Variants in ARFIP1 observed in about 807,000 individuals in gnomAD.
The protein encoded by ARFIP1 is arfaptin-1.
Under a neutral mutation model 42.5 loss-of-function variants are expected in ARFIP1, and 24 were observed. That is an observed-to-expected ratio of 0.57 (90% CI 0.41 to 0.80). ARFIP1 has a LOEUF of 0.80. ARFIP1 is among the 30% of genes least tolerant of loss of function. The pLI, the probability that ARFIP1 is intolerant of heterozygous loss-of-function variation, is 0.00. For missense variants in ARFIP1, 354 were observed against 434.0 expected (o/e 0.82, Z 1.64); for synonymous variants, 141 against 153.7 (o/e 0.92, Z 0.61).
intron 1 of ARFIP1, among the ~76,000 whole-genome samples, chr4:152,812,226 G>A (rs1729526816): frequency 6.6e-6 from 1 of 152,172 alleles, no homozygotes. Flanking sequence ...ATGAGTTCTT[G>A]CTGCGTCAGC....
intron 3 of ARFIP1, among the ~76,000 whole-genome samples, chr4:152,868,772 C>T (rs1203053517): frequency 6.6e-6 from 1 of 152,104 alleles, no homozygotes; most frequent in East Asian, 1.9e-4. Flanking sequence ...GGTAGAGATA[C>T]AGTCTTTGTT....
At chr4:152,809,488 GA>G (rs1263578764) in intron 1 of ARFIP1, among the ~76,000 whole-genome samples, 4 of 152,204 alleles carry the variant, frequency 2.6e-5, no homozygotes, top group Admixed American at 2.6e-4. Context: ...TCTCCGTGGA[GA>G]GGCAGAAAGC....
At chr4:152,830,154 G>T (rs1199147582) in intron 2 of ARFIP1, among the ~76,000 whole-genome samples, 2 of 152,124 alleles carry the variant, frequency 1.3e-5, no homozygotes, top group Non-Finnish European at 2.9e-5. Context: ...AGTGGAAAAT[G>T]ATACTCGGGG....
intron 8 of ARFIP1, among the ~76,000 whole-genome samples, chr4:152,907,424 C>G (rs1300599826): frequency 6.6e-6 from 1 of 152,126 alleles, no homozygotes; most frequent in African/African-American, 2.4e-5. Context: ...CAGCCATGTT[C>G]CCACCACCCA....
chr4:152,863,935 T>C (rs542267313), intron 3 of ARFIP1, among the ~76,000 whole-genome samples: 2 of 152,366 alleles, frequency 1.3e-5, no homozygotes, highest in African/African-American at 4.8e-5. Context: ...CTGGTTATTA[T>C]TTAAGAATAG....
intron 1 of ARFIP1, among the ~76,000 whole-genome samples, chr4:152,795,300 A>G (rs1271295041): frequency 6.6e-6 from 1 of 152,006 alleles, no homozygotes; most frequent in Admixed American, 6.6e-5. Context: ...TGCTTTTTTC[A>G]GTTAACACTG....
intron 1 of ARFIP1, among the ~76,000 whole-genome samples, chr4:152,819,892 T>A (rs1707899466): frequency 6.6e-6 from 1 of 152,152 alleles, no homozygotes; most frequent in African/African-American, 2.4e-5. Context: ...CGGGTGCCTC[T>A]TTAGACAGCA....
intron 1 of ARFIP1, among the ~76,000 whole-genome samples, chr4:152,822,965 TG>T (rs1167434612): frequency 6.6e-6 from 1 of 152,010 alleles, no homozygotes; most frequent in African/African-American, 2.4e-5. Context: ...TATTATAAAT[TG>T]GCAACCTAAC....
At position 152,829,391 on chromosome 4, in the gene ARFIP1, T is replaced by C. The variant is rs933522579; in HGVS notation, c.-9-234T>C. ...ATTTAAGAGGCAAGGATAGTGCCTC[T>C]GGTACCTACAACAAATATGTAACTC... On this transcript the variant is annotated intron_variant, in intron 1 of 8. Transcript: ENST00000353617. Among the ~76,000 whole-genome samples the C allele has an allele frequency of 3.9e-5, 6 of 152,216 alleles. No individual in the cohort carries two copies. In the South Asian group the frequency reaches 1.0e-3, roughly 26 times the overall value.
chr4:152,868,350 A>G (rs1734583390), intron 3 of ARFIP1, among the ~76,000 whole-genome samples: 1 of 152,184 alleles, frequency 6.6e-6, no homozygotes, highest in Non-Finnish European at 1.5e-5. Flanking sequence ...GAGATGAAAT[A>G]GATTTAATTC....
At chr4:152,888,026 T>C in intron 7 of ARFIP1, 107 bp from the exon 8 acceptor site, 1 of 717,392 alleles carries the variant, frequency 1.4e-6, no homozygotes, top group Non-Finnish European at 2.1e-6. Flanking sequence ...GAGAATTTTA[T>C]ATATTTTATT....
chr4:152,865,423 C>T (rs990299306), intron 3 of ARFIP1, among the ~76,000 whole-genome samples: 1 of 152,192 alleles, frequency 6.6e-6, no homozygotes, highest in African/African-American at 2.4e-5. Flanking sequence ...AGGCATGAGC[C>T]ACTGTGCCTG....
At chr4:152,808,801 G>A (rs1729213880) in intron 1 of ARFIP1, among the ~76,000 whole-genome samples, 1 of 152,172 alleles carries the variant, frequency 6.6e-6, no homozygotes, top group South Asian at 2.1e-4. Flanking sequence ...GGGCGTGGTG[G>A]CTTTTGCCTG....
chr4:152,895,578 T>G lies in ARFIP1; in HGVS notation c.966+7271T>G, dbSNP rs74916400. On this transcript the variant is annotated intron_variant, in intron 8 of 8. Coordinates refer to ENST00000353617, the MANE Select transcript of ARFIP1 (RefSeq NM_001025595.3). ...TTTTTTTTTTTTTTTTTTTTTTTTT[T>G]GAGATAGGGTGTTGTTCTGTCATCC... Among the ~76,000 whole-genome samples the G allele has an allele frequency of 4.9e-3, 460 of 92,954 alleles. 3 individuals are homozygous for G. The highest frequency in any genetic ancestry group is 0.02 in the African/African-American group (431 of 21,212). The allele number at this position is 92,954 out of a possible 152,430, so 61.0% of individuals were successfully genotyped here.
intron 3 of ARFIP1, among the ~76,000 whole-genome samples, chr4:152,868,362 C>T (rs1258033595): frequency 6.6e-6 from 1 of 152,006 alleles, no homozygotes; most frequent in Non-Finnish European, 1.5e-5. Flanking sequence ...ATTTAATTCC[C>T]CAAATTTAGC....
At chr4:152,834,436 A>C (rs1731488110) in intron 2 of ARFIP1, among the ~76,000 whole-genome samples, 1 of 152,220 alleles carries the variant, frequency 6.6e-6, no homozygotes, top group Admixed American at 6.5e-5. Flanking sequence ...GACCAAAAAC[A>C]AGTTATTTAC....
intron 2 of ARFIP1, among the ~76,000 whole-genome samples, chr4:152,860,601 T>G (rs1733811197): frequency 6.6e-6 from 1 of 152,230 alleles, no homozygotes. Context: ...TTTCAACTAC[T>G]ATTAGTAACA....
rs1280889741 is a variant in ARFIP1 at position 152,910,439 on chromosome 4, CT to C, written c.*225del. 2.3e-6 allele frequency: 1 copy of C among 429,590 alleles called. No homozygotes were observed. Among genetic ancestry groups the C allele is most frequent in the Non-Finnish European group, 3.9e-6 (1 of 256,476 alleles). The allele number at this position is 429,590 out of a possible 1,614,324, so 26.6% of individuals were successfully genotyped here. On this transcript the variant is annotated 3_prime_UTR_variant, in exon 9 of 9. Coordinates refer to ENST00000353617, the MANE Select transcript of ARFIP1 (RefSeq NM_001025595.3). ...CTATAATCTGAACACAATAATTTTC[CT>C]TTTTGAGAAATCCTTTTGTATTGTG...
At chr4:152,868,069 A>G (rs1734555379) in intron 3 of ARFIP1, among the ~76,000 whole-genome samples, 1 of 152,238 alleles carries the variant, frequency 6.6e-6, no homozygotes, top group South Asian at 2.1e-4. Context: ...ATGATAAATT[A>G]TGACTATTGC....
Sources: allele counts gnomAD v4.1 joint callset (sites outside exome capture counted in the v4.1 genomes callset), GRCh38; gene constraint gnomAD v4.1.1; transcripts MANE v1.5; gene names NCBI Gene and HGNC (gene_info 2026-07-23, HGNC 2026-07-21).